The following FER variants were observed in gnomAD, a reference collection of about 807,000 sequenced individuals.
FER encodes the protein tyrosine-protein kinase Fer.
FER carries 63 observed loss-of-function variants against 111.0 expected under a neutral mutation model. The observed-to-expected ratio is 0.57, with a 90% CI of 0.46 to 0.70. FER has a LOEUF of 0.70. Ranked by LOEUF, FER falls within the 30% of genes least tolerant of loss-of-function variation. The pLI is 0.00. For synonymous variants in FER, 327 were observed against 313.9 expected (o/e 1.04, Z -0.44); for missense variants, 914 against 954.0 (o/e 0.96, Z 0.55).
rs765260254 is a variant in FER, at chr5:108,867,817, C to T, written c.532C>T (p.Leu178Phe). The change falls in exon 6 of 20, where the codon CTT becomes TTT. Residue 178 changes from leucine (L) to phenylalanine (F), a missense_variant. Transcript: ENST00000281092. ...KERYDKATMK[L>F]HMLHNQYVLA... The stretch of plus-strand genomic sequence containing the variant: ...ACGATACGACAAAGCCACAATGAAA[C>T]TTCATATGTTGCACAATCAGTATGT... The T allele has an allele frequency of 6.2e-7, 1 of 1,611,492 alleles. No individual in the cohort carries two copies. The highest frequency in any genetic ancestry group is 8.5e-7 in the Non-Finnish European group (1 of 1,179,128).
chr5:108,796,188 G>T (rs1197649701), intron 2 of FER, among the ~76,000 whole-genome samples: 1 of 152,202 alleles, frequency 6.6e-6, no homozygotes, highest in African/African-American at 2.4e-5. Context: ...ATTACCAGCA[G>T]AAACTCTTGT....
chr5:108,833,396 A>G (rs1024830733), intron 4 of FER, among the ~76,000 whole-genome samples: 1 of 151,982 alleles, frequency 6.6e-6, no homozygotes, highest in African/African-American at 2.4e-5. Flanking sequence ...TATTATAGAA[A>G]TTTGTAAATG....
At chr5:108,936,998 G>T (rs1212737322) in intron 10 of FER, among the ~76,000 whole-genome samples, 1 of 151,814 alleles carries the variant, frequency 6.6e-6, no homozygotes, top group African/African-American at 2.4e-5. Flanking sequence ...GGAATGACTT[G>T]GGTTAAATTT....
intron 10 of FER, among the ~76,000 whole-genome samples, chr5:108,942,599 A>G (rs1472746004): frequency 6.6e-6 from 1 of 152,200 alleles, no homozygotes; most frequent in Non-Finnish European, 1.5e-5. Flanking sequence ...TTTAATACTG[A>G]AATTCTGTAT....
chr5:108,802,244 G>A (rs760420972), intron 3 of FER, among the ~76,000 whole-genome samples: 1 of 151,848 alleles, frequency 6.6e-6, no homozygotes, highest in Non-Finnish European at 1.5e-5. Flanking sequence ...AGGCTACTGG[G>A]ATTTTGCTTG....
chr5:108,985,424 GT>G (rs199822125), intron 13 of FER, among the ~76,000 whole-genome samples: 3 of 151,372 alleles, frequency 2.0e-5, no homozygotes, highest in East Asian at 1.9e-4. Context: ...CTTTTTAAAA[GT>G]TTTTTTTTCT....
At chr5:109,057,310 A>C (rs1305263744) in intron 16 of FER, among the ~76,000 whole-genome samples, 1 of 152,238 alleles carries the variant, frequency 6.6e-6, no homozygotes, top group Non-Finnish European at 1.5e-5. Context: ...TGGAAAATAC[A>C]AAAACAGGGA....
intron 5 of FER, among the ~76,000 whole-genome samples, chr5:108,837,069 TTAG>T (rs1233128502): frequency 1.3e-5 from 2 of 152,218 alleles, no homozygotes; most frequent in African/African-American, 2.4e-5. Context: ...CTAAATTATT[TTAG>T]TGAAGCAAAG....
At chr5:108,934,281 C>G (rs1019197279) in intron 10 of FER, among the ~76,000 whole-genome samples, 1 of 152,108 alleles carries the variant, frequency 6.6e-6, no homozygotes, top group Admixed American at 6.6e-5. Flanking sequence ...TTCACCCCCT[C>G]TGACCTTCAT....
At chr5:109,147,476 A>G (rs914644840) in intron 17 of FER, among the ~76,000 whole-genome samples, 5 of 152,140 alleles carry the variant, frequency 3.3e-5, no homozygotes, top group African/African-American at 1.2e-4. Flanking sequence ...GACTACAGAC[A>G]TGCAACATCA....
chr5:108,956,698 A>T (rs1024100902), intron 12 of FER, among the ~76,000 whole-genome samples: 5 of 151,568 alleles, frequency 3.3e-5, no homozygotes, highest in Non-Finnish European at 7.4e-5. Flanking sequence ...TCTGCTGCCT[A>T]ATTTTATTCT....
chr5:108,781,757 G>A (rs1754106582), intron 2 of FER, among the ~76,000 whole-genome samples: 1 of 152,076 alleles, frequency 6.6e-6, no homozygotes, highest in African/African-American at 2.4e-5. Context: ...GCTGCAATTG[G>A]TATTTCCTAT....
At chr5:109,001,413 G>A (rs1033655824) in intron 13 of FER, among the ~76,000 whole-genome samples, 1 of 152,132 alleles carries the variant, frequency 6.6e-6, no homozygotes, top group African/African-American at 2.4e-5. Flanking sequence ...TGCAGAAAAG[G>A]CCTTTGACAA....
At chr5:109,013,414 A>C (rs1209241467) in intron 13 of FER, among the ~76,000 whole-genome samples, 3 of 151,788 alleles carry the variant, frequency 2.0e-5, no homozygotes, top group African/African-American at 4.8e-5. Context: ...TGAACTCATC[A>C]ATTTTTATAG....
chr5:109,042,748 G>A (rs1451854103), intron 14 of FER, among the ~76,000 whole-genome samples: 3 of 152,194 alleles, frequency 2.0e-5, no homozygotes, highest in Admixed American at 1.3e-4. Context: ...ATTTAAAGAC[G>A]AAGTATCAGC....
At chr5:108,995,196 G>A (rs1246408101) in intron 13 of FER, among the ~76,000 whole-genome samples, 7 of 152,084 alleles carry the variant, frequency 4.6e-5, no homozygotes, top group Non-Finnish European at 7.4e-5. Flanking sequence ...ACAGTTTTAA[G>A]GGGAATGCTT....
At chr5:108,767,052 G>A (rs1421183597) in intron 1 of FER, among the ~76,000 whole-genome samples, 4 of 152,148 alleles carry the variant, frequency 2.6e-5, no homozygotes, top group African/African-American at 9.7e-5. Context: ...TGTAATCCCA[G>A]CATTTTGGGA....
chr5:109,061,898 T>C (rs1320096337), intron 16 of FER, among the ~76,000 whole-genome samples: 5 of 152,196 alleles, frequency 3.3e-5, no homozygotes. Flanking sequence ...GAATCATAAA[T>C]CCAAAATATG....
rs73779115 is a variant in FER, at chr5:109,039,962, T to A, written c.1713+2484T>A. ...TACCTGACTAAAAGATGATGCTAGG[T>A]TAAGATGATAGCAGTGGTGGTGGTG... On this transcript the variant is annotated intron_variant, in intron 14 of 19. Transcript: ENST00000281092. Among the ~76,000 whole-genome samples the A allele has an allele frequency of 5.8e-3, 888 of 152,118 alleles. 10 individuals carry two copies. The highest frequency in any genetic ancestry group is 0.02 in the African/African-American group (830 of 41,532).
Sources: allele counts gnomAD v4.1 joint callset (sites outside exome capture counted in the v4.1 genomes callset), GRCh38; gene constraint gnomAD v4.1.1; transcripts MANE v1.5; gene names NCBI Gene and HGNC (gene_info 2026-07-23, HGNC 2026-07-21).